Variants in UCHL3 observed in about 807,000 individuals in gnomAD.
UCHL3 encodes the protein ubiquitin carboxyl-terminal hydrolase isozyme L3.
A neutral mutation model predicts 35.8 loss-of-function variants in UCHL3; 22 were observed. That is an observed-to-expected ratio of 0.61 (90% CI 0.44 to 0.88). The LOEUF is 0.88. Among genes scored for constraint, UCHL3 ranks in the 40% least tolerant of loss-of-function variants. The pLI is 0.00. For missense variants in UCHL3, 229 were observed against 276.9 expected (o/e 0.83, Z 1.23); for synonymous variants, 90 against 92.8 (o/e 0.97, Z 0.17).
intron 6 of UCHL3, 44 bp downstream of exon 6, chr13:75,569,551 C>T: frequency 6.6e-7 from 1 of 1,524,444 alleles, no homozygotes; most frequent in Non-Finnish European, 9.0e-7. Flanking sequence ...TAAATTTAAC[C>T]ATATAAATTT....
intron 3 of UCHL3, among the ~76,000 whole-genome samples, chr13:75,563,639 CTTAT>C (rs1032048143): frequency 6.6e-6 from 1 of 152,096 alleles, no homozygotes; most frequent in Non-Finnish European, 1.5e-5. Context: ...CAGCTAAAAT[CTTAT>C]TTAACAAAAA....
chr13:75,602,579 A>C (rs2032805857), intron 7 of UCHL3, among the ~76,000 whole-genome samples: 1 of 152,210 alleles, frequency 6.6e-6, no homozygotes, highest in Non-Finnish European at 1.5e-5. Flanking sequence ...ATTACACGCA[A>C]AGTTGTTGGC....
chr13:75,596,947 CAAG>C (rs1256235045), intron 7 of UCHL3, among the ~76,000 whole-genome samples: 14 of 152,096 alleles, frequency 9.2e-5, no homozygotes, highest in African/African-American at 3.4e-4. Flanking sequence ...TATTCTTTAT[CAAG>C]AAGAATGATC....
chr13:75,590,045 C>A, intron 6 of UCHL3: 3 of 1,304,608 alleles, frequency 2.3e-6, no homozygotes, highest in Non-Finnish European at 3.0e-6. Context: ...ACCATGTAGG[C>A]CCTGCAAAGG....
intron 7 of UCHL3, among the ~76,000 whole-genome samples, chr13:75,602,732 CCAGT>C (rs1231351527): frequency 1.3e-5 from 2 of 152,176 alleles, no homozygotes; most frequent in Admixed American, 1.3e-4. Context: ...AACATAAAAA[CCAGT>C]CTTAGCTTAA....
At chr13:75,604,917 A>C in intron 8 of UCHL3, 90 bp downstream of exon 8, 1 of 1,107,962 alleles carries the variant, frequency 9.0e-7, no homozygotes, top group Non-Finnish European at 1.3e-6. Context: ...TTTTCTTTGT[A>C]TTTGGATACT....
At chr13:75,567,587 G>A (rs959458627) in intron 5 of UCHL3, among the ~76,000 whole-genome samples, 2 of 150,744 alleles carry the variant, frequency 1.3e-5, no homozygotes, top group Non-Finnish European at 2.9e-5. Flanking sequence ...TCGCTCTGCC[G>A]CCCAGGCTGG....
chr13:75,562,083 T>C (rs781187352), intron 3 of UCHL3, among the ~76,000 whole-genome samples: 2 of 152,102 alleles, frequency 1.3e-5, no homozygotes, highest in Non-Finnish European at 2.9e-5. Flanking sequence ...TTGTCATATT[T>C]GTGCTCAGGT....
intron 8 of UCHL3, 112 bp downstream of exon 8, chr13:75,604,939 G>A (rs1487792691): frequency 4.6e-6 from 4 of 868,346 alleles, no homozygotes; most frequent in Non-Finnish European, 6.5e-6. Context: ...CTTTATCCTT[G>A]TTCTCTCTAG....
At chr13:75,598,687 A>G (rs2032703844) in intron 7 of UCHL3, among the ~76,000 whole-genome samples, 1 of 152,242 alleles carries the variant, frequency 6.6e-6, no homozygotes, top group Non-Finnish European at 1.5e-5. Context: ...AGTGCATCAT[A>G]TCGAGAGGCA....
chr13:75,584,811 G>C (rs2032279632), intron 6 of UCHL3, among the ~76,000 whole-genome samples: 1 of 152,086 alleles, frequency 6.6e-6, no homozygotes, highest in South Asian at 2.1e-4. Flanking sequence ...TACGGTACTA[G>C]AGATGAAGAA....
intron 7 of UCHL3, among the ~76,000 whole-genome samples, chr13:75,597,903 T>G (rs1368144870): frequency 6.6e-6 from 1 of 152,212 alleles, no homozygotes; most frequent in African/African-American, 2.4e-5. Context: ...AGGACTGAGT[T>G]ATTTCTCTTT....
At chr13:75,579,401 GATTTT>G (rs911462010) in intron 6 of UCHL3, among the ~76,000 whole-genome samples, 1 of 151,850 alleles carries the variant, frequency 6.6e-6, no homozygotes, top group Non-Finnish European at 1.5e-5. Flanking sequence ...TTTTGGAGGC[GATTTT>G]ATTTTATTTT....
At chr13:75,550,883 C>A (rs1166278308) in intron 2 of UCHL3, among the ~76,000 whole-genome samples, 1 of 152,158 alleles carries the variant, frequency 6.6e-6, no homozygotes, top group Non-Finnish European at 1.5e-5. Flanking sequence ...GTAGCAAATT[C>A]CCTGGACAAA....
At chr13:75,562,125 A>G (rs1006929110) in intron 3 of UCHL3, among the ~76,000 whole-genome samples, 5 of 152,124 alleles carry the variant, frequency 3.3e-5, no homozygotes, top group Admixed American at 2.6e-4. Flanking sequence ...ATGGAGCCAA[A>G]TCCCACAGGA....
intron 1 of UCHL3, 37 bp from the exon 2 acceptor site, chr13:75,549,939 G>T (rs759227367): frequency 1.2e-6 from 2 of 1,614,236 alleles, no homozygotes; most frequent in East Asian, 4.5e-5. Context: ...GTCCACGGTG[G>T]TTTGTCTCTA....
At chr13:75,590,164 T>A in intron 6 of UCHL3, 2 of 1,244,996 alleles carry the variant, frequency 1.6e-6, no homozygotes, top group Non-Finnish European at 2.1e-6. Flanking sequence ...CTTCTTCCAG[T>A]GACAAGGGCT....
At chr13:75,584,290 G>T (rs2032264253) in intron 6 of UCHL3, among the ~76,000 whole-genome samples, 1 of 152,050 alleles carries the variant, frequency 6.6e-6, no homozygotes, top group Non-Finnish European at 1.5e-5. Context: ...TGTGGGGATG[G>T]GTCAATAATA....
At chr13:75,591,853 AT>A (rs1249241634) in intron 6 of UCHL3, among the ~76,000 whole-genome samples, 1 of 151,952 alleles carries the variant, frequency 6.6e-6, no homozygotes, top group Non-Finnish European at 1.5e-5. Flanking sequence ...AGTGTTTTGG[AT>A]TTTGGTTGGA....
Sources: allele counts gnomAD v4.1 joint callset (sites outside exome capture counted in the v4.1 genomes callset), GRCh38; gene constraint gnomAD v4.1.1; transcripts MANE v1.5; gene names NCBI Gene and HGNC (gene_info 2026-07-23, HGNC 2026-07-21).